NSL1: variants seen among roughly 807,000 people sequenced by gnomAD.
The protein encoded by NSL1 is kinetochore-associated protein NSL1 homolog.
A neutral mutation model predicts 25.4 loss-of-function variants in NSL1; 11 were observed. The observed-to-expected ratio is 0.43, with a 90% CI of 0.27 to 0.72. The LOEUF is 0.72. Among genes scored for constraint, NSL1 ranks in the 30% least tolerant of loss-of-function variants. NSL1 has a pLI of 0.19. For synonymous variants in NSL1, 118 were observed against 120.6 expected (o/e 0.98, Z 0.14); for missense variants, 330 against 342.7 (o/e 0.96, Z 0.29).
chr1:212,791,449 C>A (rs1661256716), intron 1 of NSL1, 81 bp downstream of exon 1: 6 of 1,305,862 alleles, frequency 4.6e-6, no homozygotes, highest in Non-Finnish European at 6.5e-6. Context: ...CAAGGCCTGG[C>A]GTGGGATCTT....
At chr1:212,774,371 A>C (rs1660261690) in intron 4 of NSL1, among the ~76,000 whole-genome samples, 1 of 152,176 alleles carries the variant, frequency 6.6e-6, no homozygotes, top group African/African-American at 2.4e-5. Context: ...ATATGTACAA[A>C]TATTATGTAC....
At position 212,737,741 on chromosome 1, in the gene NSL1, G is replaced by C. The variant is rs1658290465; in HGVS notation, c.*667C>G. 1 of 983,714 alleles carries C rather than the reference G, an allele frequency of 1.0e-6. No homozygotes were observed. Among genetic ancestry groups the C allele is most frequent in the Non-Finnish European group, 1.2e-6 (1 of 828,394 alleles). 60.9% of individuals were successfully genotyped at this position (983,714 alleles called of 1,614,324 possible). ...GTTAATGGTCTATAGAAAAAAGTGA[G>C]TGTGGGCAGGAAACATTGGCTACAT... On this transcript the variant is annotated 3_prime_UTR_variant, in exon 6 of 6. Transcript: ENST00000366977.
At chr1:212,755,251 T>C (rs993653997) in intron 4 of NSL1, among the ~76,000 whole-genome samples, 1 of 151,542 alleles carries the variant, frequency 6.6e-6, no homozygotes, top group Non-Finnish European at 1.5e-5. Flanking sequence ...GAAAAATAGG[T>C]TATAAAATAA....
chr1:212,778,732 G>A (rs1469017853), intron 4 of NSL1, among the ~76,000 whole-genome samples: 4 of 152,018 alleles, frequency 2.6e-5, no homozygotes, highest in South Asian at 2.1e-4. Context: ...GTGCAGTGGC[G>A]TGATCTCGGC....
chr1:212,765,469 A>T (rs1659760520), intron 4 of NSL1, among the ~76,000 whole-genome samples: 1 of 152,230 alleles, frequency 6.6e-6, no homozygotes, highest in Admixed American at 6.5e-5. Context: ...ACAGAAACAG[A>T]ATTAAAAACA....
At chr1:212,763,452 A>G (rs1181556408) in intron 4 of NSL1, among the ~76,000 whole-genome samples, 2 of 152,212 alleles carry the variant, frequency 1.3e-5, no homozygotes, top group African/African-American at 4.8e-5. Context: ...ATTAACGTTG[A>G]ATGTAAATGG....
chr1:212,753,366 C>T (rs1486267801), intron 4 of NSL1, among the ~76,000 whole-genome samples: 1 of 152,214 alleles, frequency 6.6e-6, no homozygotes, highest in Non-Finnish European at 1.5e-5. Context: ...TACTCAAGCT[C>T]ATTCTTGATT....
intron 4 of NSL1, among the ~76,000 whole-genome samples, chr1:212,745,156 CAAACTATA>C (rs1427866232): frequency 3.3e-5 from 3 of 92,282 alleles, no homozygotes; most frequent in African/African-American, 1.2e-4. Flanking sequence ...AACAAACAAA[CAAACTATA>C]TATATATATA....
chr1:212,784,470 C>A lies in NSL1; in HGVS notation c.337G>T (p.Asp113Tyr). 3 of 1,561,634 alleles carry A rather than the reference C, an allele frequency of 1.9e-6. No individual in the cohort carries two copies. The highest frequency in any genetic ancestry group is 1.2e-5 in the South Asian group (1 of 83,048). ...FMDSDIKVLE[D>Y]QFDEIIVDIA... ...TCTACTATGATTTCATCAAACTGAT[C>A]TTCAAGTACTTTGATGTCAGAATCT... Residue 113 changes from aspartate to tyrosine, a missense_variant, in exon 3 of 6, where the codon GAT becomes TAT. Physicochemically the swap from Asp to Tyr is radical, Grantham distance 160. Transcript: ENST00000366977.
chr1:212,730,658 T>C lies in NSL1; in HGVS notation c.*7750A>G. ...GTGATCAGAAGGCAACTATACCTGC[T>C]AGCACAGTGATGTCACTGAGGGATG... On this transcript the variant is annotated 3_prime_UTR_variant, in exon 6 of 6. Transcript: ENST00000366977. 1.0e-6 allele frequency: 1 copy of C among 985,428 alleles called. No individual in the cohort carries two copies. The highest frequency in any genetic ancestry group is 1.2e-6 in the Non-Finnish European group (1 of 829,928). 61.0% of individuals were successfully genotyped at this position (985,428 alleles called of 1,614,324 possible).
intron 1 of NSL1, 119 bp from the exon 2 acceptor site, chr1:212,787,756 T>C: frequency 3.5e-6 from 2 of 579,486 alleles, no homozygotes; most frequent in South Asian, 5.1e-5. Flanking sequence ...GCAGAATAGC[T>C]AATTAGTATA....
intron 4 of NSL1, among the ~76,000 whole-genome samples, chr1:212,773,731 C>T (rs116590373): frequency 0.013 from 1,965 of 152,184 alleles, 32 homozygotes; most frequent in African/African-American, 0.045. Flanking sequence ...AGGCAATATC[C>T]ACATCCCCAT....
Position 212,727,551 on chromosome 1 carries a change from G to A in NSL1, c.*10857C>T, listed in dbSNP as rs1053929986. 1.7e-5 allele frequency: 17 copies of A among 985,274 alleles called. No individual in the cohort carries two copies. Among genetic ancestry groups the A allele is most frequent in the East Asian group, 1.1e-4 (1 of 8,830 alleles). 61.0% of individuals were successfully genotyped at this position (985,274 alleles called of 1,614,324 possible). On this transcript the variant is annotated 3_prime_UTR_variant, in exon 6 of 6. Coordinates refer to ENST00000366977, the MANE Select transcript of NSL1 (RefSeq NM_015471.4). ...GGAGAGAAAGGACAATGAATTAGAC[G>A]TGTGCCACATACTTCTCTCAAAAAC...
intron 4 of NSL1, among the ~76,000 whole-genome samples, chr1:212,748,988 A>G (rs964621999): frequency 6.6e-6 from 1 of 152,182 alleles, no homozygotes; most frequent in Non-Finnish European, 1.5e-5. Flanking sequence ...ACATGAAAAC[A>G]TAATAGGCAC....
chr1:212,780,308 T>A (rs1185432808), intron 4 of NSL1, among the ~76,000 whole-genome samples: 1 of 152,050 alleles, frequency 6.6e-6, no homozygotes, highest in East Asian at 1.9e-4. Flanking sequence ...GAAGGCAGCG[T>A]GCTCGTTGAG....
intron 4 of NSL1, among the ~76,000 whole-genome samples, chr1:212,773,380 T>C (rs998034983): frequency 6.6e-6 from 1 of 151,956 alleles, no homozygotes; most frequent in Admixed American, 6.6e-5. Flanking sequence ...AGGATCTGAA[T>C]AGACATTTCT....
intron 4 of NSL1, among the ~76,000 whole-genome samples, chr1:212,756,042 A>G (rs1659291509): frequency 1.3e-5 from 2 of 152,212 alleles, no homozygotes; most frequent in Non-Finnish European, 2.9e-5. Flanking sequence ...AATTCATACC[A>G]GGTTAATGTT....
In NSL1 at chr1:212,727,300, G is replaced by A. The variant is rs761530549; in HGVS notation, c.*11108C>T. On this transcript the variant is annotated 3_prime_UTR_variant, in exon 6 of 6. Transcript: ENST00000366977. ...TTCACAACCCTTTGTTCCAGGCAGGGCCCAGGATCCCCTTCCAAATTACTG... is the reference window on the plus strand; with the variant it reads ...TTCACAACCCTTTGTTCCAGGCAGGACCCAGGATCCCCTTCCAAATTACTG... 10 of 1,303,690 alleles carry A rather than the reference G, an allele frequency of 7.7e-6. No homozygotes were observed. The highest frequency in any genetic ancestry group is 1.5e-5 in the African/African-American group (1 of 65,150). 80.8% of individuals were successfully genotyped at this position (1,303,690 alleles called of 1,614,324 possible). A position where few individuals can be genotyped will look rare whatever the true frequency, so the allele number is the denominator to read the frequency against.
chr1:212,782,530 T>C (rs1660773569), intron 3 of NSL1, 104 bp from the exon 4 acceptor site: 2 of 863,194 alleles, frequency 2.3e-6, no homozygotes, highest in Admixed American at 2.3e-5. Flanking sequence ...TACCATTCTT[T>C]TGAGGAAAAA....
Sources: allele counts gnomAD v4.1 joint callset (sites outside exome capture counted in the v4.1 genomes callset), GRCh38; gene constraint gnomAD v4.1.1; transcripts MANE v1.5; gene names NCBI Gene and HGNC (gene_info 2026-07-23, HGNC 2026-07-21).